The following HMGCLL1 variants were observed in gnomAD, a reference collection of about 807,000 sequenced individuals.
HMGCLL1 encodes the protein 3-hydroxymethyl-3-methylglutaryl-CoA lyase, cytoplasmic.
In HMGCLL1, 36 loss-of-function variants were observed where a neutral mutation model predicts 39.1. The ratio of observed to expected loss-of-function variants is 0.92; its 90% CI spans 0.71 to 1.22. The LOEUF (loss-of-function observed/expected upper bound fraction) is 1.22. Among genes scored for constraint, HMGCLL1 ranks in the 50% most tolerant of loss-of-function variants. The pLI, the probability that HMGCLL1 is intolerant of heterozygous loss-of-function variation, is 0.00. For synonymous variants in HMGCLL1, 149 were observed against 144.0 expected (o/e 1.03, Z -0.25); for missense variants, 451 against 416.5 (o/e 1.08, Z -0.72).
intron 8 of HMGCLL1, among the ~76,000 whole-genome samples, chr6:55,439,216 A>G (rs1050390831): frequency 6.6e-6 from 1 of 152,172 alleles, no homozygotes; most frequent in African/African-American, 2.4e-5. Context: ...CACTATAAAA[A>G]TGTGAAATGG....
At chr6:55,579,818 T>C (rs4440462), upstream of HMGCLL1, among the ~76,000 whole-genome samples, 3 of 151,844 alleles carry the variant, frequency 2.0e-5, no homozygotes, top group South Asian at 4.2e-4. Context: ...AAACGGAAAA[T>C]TCTATACAAG....
intron 7 of HMGCLL1, among the ~76,000 whole-genome samples, chr6:55,487,992 T>C (rs1766126550): frequency 6.6e-6 from 1 of 152,054 alleles, no homozygotes; most frequent in Non-Finnish European, 1.5e-5. Flanking sequence ...TTCCTAATAC[T>C]AGACCACTTC....
the HMGCLL1 span, among the ~76,000 whole-genome samples, chr6:55,624,752 C>A: frequency 5.9e-5 from 9 of 152,082 alleles, no homozygotes; most frequent in Non-Finnish European, 1.0e-4. Context: ...GGTGTGGGGC[C>A]TGTTGAGATA....
At chr6:55,487,278 T>C (rs1371124471) in intron 7 of HMGCLL1, among the ~76,000 whole-genome samples, 2 of 152,102 alleles carry the variant, frequency 1.3e-5, no homozygotes, top group East Asian at 3.9e-4. Context: ...AAAAAGTTTG[T>C]CAATTTTGTT....
intron 7 of HMGCLL1, among the ~76,000 whole-genome samples, chr6:55,446,415 C>T (rs549083748): frequency 6.6e-5 from 10 of 151,540 alleles, no homozygotes; most frequent in Non-Finnish European, 1.3e-4. Context: ...ACAATTAAAG[C>T]TATTAACTCA....
intron 1 of HMGCLL1, among the ~76,000 whole-genome samples, chr6:55,550,030 C>A (rs1219266076): frequency 6.6e-6 from 1 of 151,924 alleles, no homozygotes; most frequent in East Asian, 1.9e-4. Context: ...TGCGTGACTA[C>A]AGACACACAA....
the HMGCLL1 span, among the ~76,000 whole-genome samples, chr6:55,628,584 C>T: frequency 1.6e-4 from 25 of 151,932 alleles, no homozygotes; most frequent in East Asian, 2.3e-3. Flanking sequence ...AAATATGTTA[C>T]GTCACTCTCT....
chr6:55,565,641 G>T (rs992080387), intron 1 of HMGCLL1, among the ~76,000 whole-genome samples: 4 of 152,056 alleles, frequency 2.6e-5, no homozygotes, highest in Admixed American at 2.0e-4. Context: ...AGAGCAAGTA[G>T]ATTTAAGGGA....
chr6:55,597,537 A>AAAGAGGTTGT, the HMGCLL1 span, among the ~76,000 whole-genome samples: 19 of 152,080 alleles, frequency 1.2e-4, no homozygotes, highest in Admixed American at 1.2e-3. Flanking sequence ...GAAGGAAAAA[A>AAAGAGGTTGT]AAGAGGTTGT....
chr6:55,467,323 A>T (rs948433307), intron 7 of HMGCLL1, among the ~76,000 whole-genome samples: 1 of 152,042 alleles, frequency 6.6e-6, no homozygotes, highest in African/African-American at 2.4e-5. Context: ...GAATATTTTC[A>T]TGTTTTTTTG....
chr6:55,606,713 A>C, the HMGCLL1 span, among the ~76,000 whole-genome samples: 1 of 152,142 alleles, frequency 6.6e-6, no homozygotes, highest in Non-Finnish European at 1.5e-5. Context: ...TATTTGTCCA[A>C]ATCCCCAAAA....
At position 55,450,988 on chromosome 6, in the gene HMGCLL1, CA is replaced by C. The variant is rs565075333; in HGVS notation, c.796-11430del. ...TTGAGTTCATTGGCTGAGAGTCATACAAAGAGTTCATCTCATTTCTAGCTCC... is the reference window on the plus strand; with the variant it reads ...TTGAGTTCATTGGCTGAGAGTCATACAAGAGTTCATCTCATTTCTAGCTCC... On this transcript the variant is annotated intron_variant, in intron 7 of 8. Transcript: ENST00000274901. 7.5e-3 allele frequency among the ~76,000 whole-genome samples: 1,138 copies of C among 152,230 alleles called. 2 individuals carry two copies. The highest frequency in any genetic ancestry group is 0.013 in the Non-Finnish European group (872 of 68,010).
chr6:55,602,364 C>T, the HMGCLL1 span, among the ~76,000 whole-genome samples: 2 of 152,144 alleles, frequency 1.3e-5, no homozygotes, highest in Middle Eastern at 3.4e-3. Flanking sequence ...ATAATACAAT[C>T]TAAAATTACA....
chr6:55,604,951 G>T, the HMGCLL1 span, among the ~76,000 whole-genome samples: 1 of 152,210 alleles, frequency 6.6e-6, no homozygotes, highest in Non-Finnish European at 1.5e-5. Context: ...AGCTGAAGAT[G>T]ATATAAGTGT....
the HMGCLL1 span, among the ~76,000 whole-genome samples, chr6:55,633,724 T>TTTTATGG: frequency 6.6e-6 from 1 of 151,976 alleles, no homozygotes; most frequent in Admixed American, 6.6e-5. Context: ...AGATTAAAAT[T>TTTTATGG]TCACAGCAGG....
intron 7 of HMGCLL1, among the ~76,000 whole-genome samples, chr6:55,440,493 T>C (rs4715548): frequency 0.45 from 67,950 of 151,792 alleles, 15,392 homozygotes; most frequent in African/African-American, 0.51. Flanking sequence ...AAGACATGAG[T>C]ACAACAGGGT....
At chr6:55,511,571 A>T (rs1767462764) in intron 5 of HMGCLL1, among the ~76,000 whole-genome samples, 1 of 152,126 alleles carries the variant, frequency 6.6e-6, no homozygotes, top group African/African-American at 2.4e-5. Flanking sequence ...AACTGACGAC[A>T]TAAATTTTCT....
chr6:55,650,126 TATATATATACACACAC>T, the HMGCLL1 span, among the ~76,000 whole-genome samples: 1,177 of 53,638 alleles, frequency 0.022, 39 homozygotes, highest in African/African-American at 0.054. Context: ...TATATATATA[TATATATATACACACAC>T]ACACACATAT....
chr6:55,479,333 C>T (rs1191062546), intron 7 of HMGCLL1, among the ~76,000 whole-genome samples: 3 of 151,540 alleles, frequency 2.0e-5, no homozygotes, highest in African/African-American at 7.3e-5. Flanking sequence ...ATAAACTACA[C>T]ATTTTTCCTT....
Sources: allele counts gnomAD v4.1 joint callset (sites outside exome capture counted in the v4.1 genomes callset), GRCh38; gene constraint gnomAD v4.1.1; transcripts MANE v1.5; gene names NCBI Gene and HGNC (gene_info 2026-07-23, HGNC 2026-07-21).